The following ZNF292 variants were observed in gnomAD, a reference collection of about 807,000 sequenced individuals.
ZNF292 encodes the protein zinc finger protein 292.
A neutral mutation model predicts 217.9 loss-of-function variants in ZNF292; 26 were observed. The ratio of observed to expected loss-of-function variants is 0.12; its 90% CI spans 0.09 to 0.17. The LOEUF is 0.17. Among genes scored for constraint, ZNF292 ranks in the 10% least tolerant of loss-of-function variants. The pLI is 1.00. For missense variants in ZNF292, 2,904 were observed against 3,175.2 expected (o/e 0.91, Z 2.05); for synonymous variants, 1,257 against 1,124.1 (o/e 1.12, Z -2.37).
In ZNF292 at chr6:87,258,632, A is replaced by T; in HGVS notation, c.5003A>T (p.Asn1668Ile). 6.2e-7 allele frequency: 1 copy of T among 1,613,562 alleles called. No individual in the cohort carries two copies. Among genetic ancestry groups the T allele is most frequent in the Non-Finnish European group, 8.5e-7 (1 of 1,179,752 alleles). ...IAKSVEIPTT[N>I]LHSNVIPTCE... ...AAGAGTGTTGAAATCCCAACTACTAACCTTCATTCAAATGTAATTCCAACT... is the reference window on the plus strand; with the variant it reads ...AAGAGTGTTGAAATCCCAACTACTATCCTTCATTCAAATGTAATTCCAACT... The change falls in exon 8 of 8, where the codon AAC becomes ATC. Residue 1668 changes from asparagine (N) to isoleucine (I), a missense_variant. Physicochemically the swap from Asn to Ile is moderately radical, Grantham distance 149. Around this residue, in one of 15 missense-constraint regions of ZNF292, gnomAD observed 622 missense variants for 573.1 expected, o/e 1.09. Coordinates refer to ENST00000369577, the MANE Select transcript of ZNF292 (RefSeq NM_015021.3).
In ZNF292 at chr6:87,259,728, C is replaced by T; in HGVS notation, c.6099C>T (p.His2033=). The T allele has an allele frequency of 2.5e-6, 4 of 1,603,782 alleles. No homozygotes were observed. In the South Asian group the frequency reaches 4.5e-5, roughly 18 times the overall value. ...LELRAETQNT[H]SNVAVIPEKQ... ...TGAGAGCAGAGACCCAAAATACCCACAGTAATGTAGCAGTGATCCCAGAAA... is the reference window on the plus strand; with the variant it reads ...TGAGAGCAGAGACCCAAAATACCCATAGTAATGTAGCAGTGATCCCAGAAA... Residue 2033 remains histidine, a synonymous_variant, in exon 8 of 8, where the codon CAC becomes CAT. Coordinates refer to ENST00000369577, the MANE Select transcript of ZNF292 (RefSeq NM_015021.3).
At position 87,263,499 on chromosome 6, in the gene ZNF292, T is replaced by C. The variant is rs1446283890; in HGVS notation, c.*1698T>C. 1 of 152,018 alleles carries C rather than the reference T, an allele frequency of 6.6e-6. No homozygotes were observed. The highest frequency in any genetic ancestry group is 1.5e-5 in the Non-Finnish European group (1 of 67,948). The allele number at this position is 152,018 out of a possible 1,614,324, so 9.4% of individuals were successfully genotyped here. A position where few individuals can be genotyped will look rare whatever the true frequency, so the allele number is the denominator to read the frequency against. On this transcript the variant is annotated 3_prime_UTR_variant, in exon 8 of 8. Coordinates refer to ENST00000369577, the MANE Select transcript of ZNF292 (RefSeq NM_015021.3). ...GGTCAAGGAGTGAACTATTTTCTTTTGGAAATTTCTTTTTAATTTTTATTA... is the reference window on the plus strand; with the variant it reads ...GGTCAAGGAGTGAACTATTTTCTTTCGGAAATTTCTTTTTAATTTTTATTA...
At chr6:87,243,157 T>C (rs1212709435) in intron 5 of ZNF292, among the ~76,000 whole-genome samples, 1 of 152,058 alleles carries the variant, frequency 6.6e-6, no homozygotes, top group Non-Finnish European at 1.5e-5. Flanking sequence ...TGGGTAGAGA[T>C]TGCTTATAGT....
At chr6:87,250,146 A>G (rs772475321) in intron 7 of ZNF292, among the ~76,000 whole-genome samples, 4 of 151,874 alleles carry the variant, frequency 2.6e-5, no homozygotes, top group African/African-American at 4.8e-5. Context: ...GGATTCAACC[A>G]CCTACTGATT....
At chr6:87,240,058 C>T (rs1774182667) in intron 5 of ZNF292, among the ~76,000 whole-genome samples, 1 of 152,122 alleles carries the variant, frequency 6.6e-6, no homozygotes, top group African/African-American at 2.4e-5. Flanking sequence ...CCAGCCTGGG[C>T]AACATTGAGC....
At chr6:87,193,667 G>A (rs892118035) in intron 1 of ZNF292, among the ~76,000 whole-genome samples, 3 of 152,148 alleles carry the variant, frequency 2.0e-5, no homozygotes, top group East Asian at 1.9e-4. Flanking sequence ...ACACAAGCAC[G>A]CCCTCCGAGG....
intron 1 of ZNF292, chr6:87,173,966 CA>C: frequency 3.9e-6 from 1 of 256,124 alleles, no homozygotes. Context: ...TACCCTGGTT[CA>C]GGGCAGAAAA....
chr6:87,256,707 C>A lies in ZNF292; in HGVS notation c.3078C>A (p.Asn1026Lys), dbSNP rs1328937351. The A allele has an allele frequency of 6.2e-7, 1 of 1,612,932 alleles. No individual in the cohort carries two copies. Among genetic ancestry groups the A allele is most frequent in the South Asian group, 1.1e-5 (1 of 91,066 alleles). Reference protein sequence around the residue: ...LTPQNLERQVNNLMTFSVQNQ... With the variant: ...LTPQNLERQVKNLMTFSVQNQ... ...CACAAAACTTAGAAAGACAAGTGAA[C>A]AACTTGATGACCTTTTCTGTGCAAA... is the stretch of plus-strand genomic sequence containing the variant. The change falls in exon 8 of 8, where the codon AAC becomes AAA. Residue 1026 changes from asparagine (N) to lysine (K), a missense_variant. By Grantham distance (94) the Asn-to-Lys change is moderately conservative. Transcript: ENST00000369577.
intron 1 of ZNF292, among the ~76,000 whole-genome samples, chr6:87,207,611 G>C (rs536447545): frequency 6.6e-6 from 1 of 152,144 alleles, no homozygotes; most frequent in Non-Finnish European, 1.5e-5. Context: ...TTTTGTAACT[G>C]TTTTACTTGT....
intron 1 of ZNF292, among the ~76,000 whole-genome samples, chr6:87,199,895 G>T (rs1168015507): frequency 2.0e-5 from 3 of 152,140 alleles, no homozygotes; most frequent in African/African-American, 7.2e-5. Flanking sequence ...TTAAAGCTGG[G>T]TTTCCTACCA....
chr6:87,259,974 A>G lies in ZNF292; in HGVS notation c.6345A>G (p.Arg2115=), dbSNP rs761429602. 12 of 1,613,658 alleles carry G rather than the reference A, an allele frequency of 7.4e-6. No homozygotes were observed. The highest frequency in any genetic ancestry group is 1.3e-5 in the African/African-American group (1 of 75,022). ...GATACAGTCCTTACAGACCTTATCG[A>G]TGTGTTCACCAGGGATGCTTTGCTG... The part of the protein sequence containing the change: ...PTRYSPYRPY[R]CVHQGCFAAF... The change falls in exon 8 of 8, where the codon CGA becomes CGG. Residue 2115 remains arginine, a synonymous_variant. Transcript: ENST00000369577.
chr6:87,210,979 A>T (rs1173879658), intron 1 of ZNF292, among the ~76,000 whole-genome samples: 1 of 152,224 alleles, frequency 6.6e-6, no homozygotes, highest in Non-Finnish European at 1.5e-5. Context: ...TATGACTTCT[A>T]AATATTAGAA....
rs577149037 is a variant in ZNF292 at position 87,239,944 on chromosome 6, C to T, written c.742-3531C>T. Among the ~76,000 whole-genome samples, 33 of 151,836 alleles carry T rather than the reference C, an allele frequency of 2.2e-4. 1 individual carries two copies. Among genetic ancestry groups the T allele is most frequent in the African/African-American group, 5.6e-4 (23 of 41,400 alleles). ...GCAGAGACGCTCCTCACTTCCCAGA[C>T]GGGGTGGCGGCCGGGCAGAGGCTGC... On this transcript the variant is annotated intron_variant, in intron 5 of 7. Coordinates refer to ENST00000369577, the MANE Select transcript of ZNF292 (RefSeq NM_015021.3).
chr6:87,193,593 G>GA, intron 1 of ZNF292, among the ~76,000 whole-genome samples: 1 of 151,992 alleles, frequency 6.6e-6, no homozygotes, highest in South Asian at 2.1e-4. Flanking sequence ...GTCCCCAAGG[G>GA]AAAAAACAAC....
rs2127802306 is a variant in ZNF292 at position 87,215,947 on chromosome 6, T to C, written c.213T>C (p.Pro71=). The stretch of plus-strand genomic sequence containing the variant: ...AGAAATGGAAAACTTCAGAAGATCC[T>C]TTACCTTTATTGGAGGTATACACAG... ...YAEKWKTSED[P]LPLLEVYTVA... Residue 71 remains proline (P), a synonymous_variant, in exon 2 of 8, where the codon CCT becomes CCC. Coordinates refer to ENST00000369577, the MANE Select transcript of ZNF292 (RefSeq NM_015021.3). 6.2e-7 allele frequency: 1 copy of C among 1,602,140 alleles called. No individual in the cohort carries two copies. The highest frequency in any genetic ancestry group is 1.1e-5 in the South Asian group (1 of 89,020).
chr6:87,243,687 C>G (rs1321409533), intron 6 of ZNF292, 76 bp downstream of exon 6: 1 of 1,256,500 alleles, frequency 8.0e-7, no homozygotes, highest in African/African-American at 1.5e-5. Context: ...ATTCATATAA[C>G]TTAGGAACAT....
At chr6:87,181,090 G>T (rs1771457985) in intron 1 of ZNF292, among the ~76,000 whole-genome samples, 1 of 152,100 alleles carries the variant, frequency 6.6e-6, no homozygotes, top group Non-Finnish European at 1.5e-5. Flanking sequence ...CTTTCTTTCA[G>T]CTTTGCCGTC....
At chr6:87,205,481 G>C (rs913169306) in intron 1 of ZNF292, among the ~76,000 whole-genome samples, 3 of 151,598 alleles carry the variant, frequency 2.0e-5, no homozygotes, top group African/African-American at 7.3e-5. Flanking sequence ...TTCTTTGTGA[G>C]ACCATTTTAA....
intron 1 of ZNF292, among the ~76,000 whole-genome samples, chr6:87,161,241 A>T (rs1770744360): frequency 6.6e-6 from 1 of 152,186 alleles, no homozygotes; most frequent in Admixed American, 6.5e-5. Flanking sequence ...ATTTTGATAT[A>T]ATAAATTCTG....
Sources: allele counts gnomAD v4.1 joint callset (sites outside exome capture counted in the v4.1 genomes callset), GRCh38; gene constraint gnomAD v4.1.1; regional missense constraint gnomAD v4.1.1; transcripts MANE v1.5; gene names NCBI Gene and HGNC (gene_info 2026-07-23, HGNC 2026-07-21).